DNM1L: variants seen among roughly 807,000 people sequenced by gnomAD.
The protein encoded by DNM1L is dynamin-1-like protein.
DNM1L carries 33 observed loss-of-function variants against 92.8 expected under a neutral mutation model. The ratio of observed to expected loss-of-function variants is 0.36; its 90% CI spans 0.27 to 0.48. The LOEUF (loss-of-function observed/expected upper bound fraction) is 0.48, where lower values mean the gene tolerates loss of function less well. Ranked by LOEUF, DNM1L falls within the 20% of genes least tolerant of loss-of-function variation. The pLI, the probability that DNM1L is intolerant of heterozygous loss-of-function variation, is 0.99. For missense variants in DNM1L, 485 were observed against 888.8 expected (o/e 0.55, Z 5.78); for synonymous variants, 284 against 305.0 (o/e 0.93, Z 0.72).
chr12:32,708,899 T>C (rs1311500170), intron 4 of DNM1L, among the ~76,000 whole-genome samples: 1 of 152,142 alleles, frequency 6.6e-6, no homozygotes, highest in Non-Finnish European at 1.5e-5. Context: ...ATATTATCTC[T>C]TGAGATTTTT....
chr12:32,745,600 CAA>C lies in DNM1L; in HGVS notation c.*2193_*2194del, dbSNP rs1955594678. 1 of 152,324 alleles carries C rather than the reference CAA, an allele frequency of 6.6e-6. No individual in the cohort carries two copies. The highest frequency in any genetic ancestry group is 6.5e-5 in the Admixed American group (1 of 15,284). 9.4% of individuals were successfully genotyped at this position (152,324 alleles called of 1,614,324 possible). On this transcript the variant is annotated 3_prime_UTR_variant, in exon 20 of 20. Transcript: ENST00000549701. ...AACTTTTCTCCCAGAGAAAGGGAGA[CAA>C]AAGGAGCTTTTTAATACCTAATCTA...
At chr12:32,725,140 AC>A (rs1456123238) in intron 9 of DNM1L, 2 of 151,866 alleles carry the variant, frequency 1.3e-5, no homozygotes, top group African/African-American at 4.8e-5. Flanking sequence ...CAAAGCTGGT[AC>A]CCTTTTCAAT....
At chr12:32,741,734 T>C (rs1213017501) in intron 18 of DNM1L, among the ~76,000 whole-genome samples, 1 of 152,224 alleles carries the variant, frequency 6.6e-6, no homozygotes, top group East Asian at 1.9e-4. Flanking sequence ...TATGTTTAGA[T>C]ACACAAATAC....
chr12:32,732,696 G>T (rs954476134), intron 12 of DNM1L: 23 of 418,902 alleles, frequency 5.5e-5, no homozygotes, highest in Middle Eastern at 3.5e-4. Context: ...AGAATCATTG[G>T]ACCTTCATTT....
chr12:32,718,915 C>T, intron 7 of DNM1L, 152 bp downstream of exon 7: 3 of 1,157,294 alleles, frequency 2.6e-6, no homozygotes, highest in Non-Finnish European at 3.8e-6. Context: ...CTTGGTATTG[C>T]TAAAGAATCC....
At chr12:32,695,273 A>G (rs1307233641) in intron 1 of DNM1L, among the ~76,000 whole-genome samples, 1 of 152,224 alleles carries the variant, frequency 6.6e-6, no homozygotes, top group Non-Finnish European at 1.5e-5. Context: ...TTGTTGTCAA[A>G]TGTCATGCAA....
intron 13 of DNM1L, among the ~76,000 whole-genome samples, chr12:32,734,065 A>G (rs2137540976): frequency 6.6e-6 from 1 of 152,366 alleles, no homozygotes; most frequent in African/African-American, 2.4e-5. Flanking sequence ...GACTGGCTCT[A>G]TTTTGGTAAC....
In DNM1L at chr12:32,706,122, A is replaced by T. The variant is rs372983237; in HGVS notation, c.251-1245A>T. 162 of 367,320 alleles carry T rather than the reference A, an allele frequency of 4.4e-4. 2 individuals carry two copies. In the South Asian group the frequency reaches 8.8e-3, roughly 20 times the overall value. The allele number at this position is 367,320 out of a possible 1,614,324, so 22.8% of individuals were successfully genotyped here. On this transcript the variant is annotated intron_variant, in intron 2 of 19. Transcript: ENST00000549701. ...GCCAAGCCTTTTTAAATATAATAAG[A>T]TAAATTAGAAACAGCTCTTTGGTAT...
intron 8 of DNM1L, 116 bp from the exon 9 acceptor site, chr12:32,722,311 C>A: frequency 1.2e-6 from 1 of 842,648 alleles, no homozygotes; most frequent in Non-Finnish European, 1.9e-6. Context: ...TTCACAGTAT[C>A]ACATTTGCCA....
intron 1 of DNM1L, 155 bp downstream of exon 1, chr12:32,679,620 G>C (rs1241913995): frequency 7.4e-6 from 10 of 1,352,736 alleles, no homozygotes; most frequent in Non-Finnish European, 9.5e-6. Context: ...GGGCTCTCCG[G>C]GCTCTGCCGC....
chr12:32,722,660 T>C, intron 9 of DNM1L, 27 bp downstream of exon 9: 1 of 1,573,030 alleles, frequency 6.4e-7, no homozygotes, highest in South Asian at 1.1e-5. Context: ...TCTGTAGATT[T>C]GGTTACCTAG....
At chr12:32,707,260 A>G in intron 2 of DNM1L, 107 bp from the exon 3 acceptor site, 1 of 862,366 alleles carries the variant, frequency 1.2e-6, no homozygotes, top group Non-Finnish European at 1.8e-6. Context: ...CTTAATGGCA[A>G]AATTAAATAC....
At chr12:32,679,762 C>G in intron 1 of DNM1L, 1 of 1,089,858 alleles carries the variant, frequency 9.2e-7, no homozygotes, top group Non-Finnish European at 1.1e-6. Flanking sequence ...GGCCGGCGGG[C>G]GGAACTGGAG....
chr12:32,712,665 A>G (rs1053343507), intron 5 of DNM1L, among the ~76,000 whole-genome samples: 3 of 150,400 alleles, frequency 2.0e-5, no homozygotes, highest in Admixed American at 6.6e-5. Flanking sequence ...AAAAAAAAAA[A>G]AAAAAAAAAA....
chr12:32,710,374 A>T (rs1360799362), intron 4 of DNM1L, among the ~76,000 whole-genome samples: 1 of 152,218 alleles, frequency 6.6e-6, no homozygotes, highest in Non-Finnish European at 1.5e-5. Context: ...TTATTCTTTT[A>T]TTCAGCACTA....
intron 13 of DNM1L, chr12:32,736,862 A>C (rs1954918097): frequency 2.1e-6 from 1 of 487,158 alleles, no homozygotes; most frequent in Admixed American, 3.3e-5. Flanking sequence ...CAGTACAGGG[A>C]GCCACTGTTA....
intron 9 of DNM1L, among the ~76,000 whole-genome samples, chr12:32,729,661 T>C (rs1205627304): frequency 1.3e-5 from 2 of 152,142 alleles, no homozygotes; most frequent in Non-Finnish European, 1.5e-5. Flanking sequence ...GGTTTCACCA[T>C]GTTGGCCAGG....
intron 13 of DNM1L, among the ~76,000 whole-genome samples, chr12:32,734,596 C>A (rs932586158): frequency 6.6e-6 from 1 of 152,182 alleles, no homozygotes; most frequent in African/African-American, 2.4e-5. Flanking sequence ...CACCTGACAT[C>A]AGGAGTTTGA....
At chr12:32,727,391 TATC>T (rs1954220403) in intron 9 of DNM1L, 1 of 769,766 alleles carries the variant, frequency 1.3e-6, no homozygotes, top group African/African-American at 1.7e-5. Context: ...GAACTCCAAA[TATC>T]AGTGGCTACT....
Sources: gnomAD v4.1 joint callset for allele counts (sites outside exome capture counted in the v4.1 genomes callset) on GRCh38, gnomAD v4.1.1 for gene constraint, MANE v1.5 for transcripts, NCBI Gene and HGNC (gene_info 2026-07-23, HGNC 2026-07-21) for gene names.